HSPBAP1: variants seen among roughly 807,000 people sequenced by gnomAD.
HSPBAP1 encodes the protein HSPB1 associated protein 1, also known as HSPB1-associated protein 1.
In HSPBAP1, 27 loss-of-function variants were observed where a neutral mutation model predicts 45.2. The ratio of observed to expected loss-of-function variants is 0.60; its 90% CI spans 0.44 to 0.82. The LOEUF (loss-of-function observed/expected upper bound fraction) is 0.82. Ranked by LOEUF, HSPBAP1 falls within the 40% of genes least tolerant of loss-of-function variation. The pLI is 0.00. For missense variants in HSPBAP1, 510 were observed against 590.9 expected (o/e 0.86, Z 1.42); for synonymous variants, 204 against 202.7 (o/e 1.01, Z -0.06).
intron 3 of HSPBAP1, among the ~76,000 whole-genome samples, chr3:122,762,645 GTGTAA>G (rs1352889445): frequency 1.3e-5 from 2 of 152,306 alleles, no homozygotes; most frequent in Middle Eastern, 3.4e-3. Flanking sequence ...TTATTTGGAA[GTGTAA>G]TGTTTAATTT....
At chr3:122,747,769 C>T in intron 6 of HSPBAP1, among the ~76,000 whole-genome samples, 1 of 126,546 alleles carries the variant, frequency 7.9e-6, no homozygotes, top group East Asian at 2.6e-4. Context: ...GGGGGGTCAG[C>T]CCCCCGCCCG....
intron 6 of HSPBAP1, among the ~76,000 whole-genome samples, chr3:122,752,210 CT>C (rs947127553): frequency 1.1e-4 from 17 of 152,234 alleles, no homozygotes; most frequent in African/African-American, 4.1e-4. Flanking sequence ...AGTAATGACC[CT>C]GAACCAAGAA....
chr3:122,787,880 A>G (rs6438765), intron 1 of HSPBAP1, among the ~76,000 whole-genome samples: 134,896 of 152,232 alleles, frequency 0.89, 59,784 homozygotes, highest in East Asian at 0.98. Flanking sequence ...TCATTTTGTA[A>G]CCACTATTTT....
intron 2 of HSPBAP1, among the ~76,000 whole-genome samples, chr3:122,775,097 G>A (rs1935144163): frequency 6.6e-6 from 1 of 151,066 alleles, no homozygotes. Context: ...ACAATCTCAA[G>A]AGAAGCTGCT....
intron 3 of HSPBAP1, among the ~76,000 whole-genome samples, chr3:122,760,213 A>C (rs1934521230): frequency 1.3e-5 from 2 of 152,202 alleles, no homozygotes; most frequent in South Asian, 4.1e-4. Context: ...GCACAGAAAA[A>C]TAGGGTCACA....
In HSPBAP1 at chr3:122,740,779, G is replaced by A. The variant is rs201067775; in HGVS notation, c.1033C>T (p.Gln345Ter). 108 of 1,613,874 alleles carry A rather than the reference G, an allele frequency of 6.7e-5. No homozygotes were observed. The highest frequency in any genetic ancestry group is 3.4e-6 in the Non-Finnish European group (4 of 1,180,034). ...TGCTCTCCATCTGTTCTCAGTGCTT[G>A]GATTTCTACTACCTCAGATGTTCTG... is the stretch of plus-strand genomic sequence containing the variant. ...RCRTSEVVEI[Q>*]ALRTDGEHMK... Residue 345 changes from glutamine (Q) to a stop codon, truncating the protein, a stop_gained, in exon 8 of 8, where the codon CAA becomes TAA. Coordinates refer to ENST00000306103, the MANE Select transcript of HSPBAP1 (RefSeq NM_024610.6). LOFTEE classifies it low-confidence loss of function (END_TRUNC).
intron 6 of HSPBAP1, among the ~76,000 whole-genome samples, chr3:122,748,244 C>A (rs75970625): frequency 6.6e-6 from 1 of 152,132 alleles, no homozygotes; most frequent in African/African-American, 2.4e-5. Context: ...ACAAACACTG[C>A]GGAAGGCCGC....
At chr3:122,754,888 T>C in intron 5 of HSPBAP1, 1 of 996,436 alleles carries the variant, frequency 1.0e-6, no homozygotes, top group Non-Finnish European at 1.2e-6. Flanking sequence ...GGTTCAGTGC[T>C]ATCATAATTG....
intron 3 of HSPBAP1, among the ~76,000 whole-genome samples, chr3:122,766,629 A>C (rs894802823): frequency 2.0e-5 from 3 of 152,182 alleles, no homozygotes; most frequent in Non-Finnish European, 4.4e-5. Context: ...GGGTCAGATC[A>C]AACACTCATC....
At chr3:122,740,920 T>A (rs1933646175) in intron 7 of HSPBAP1, 45 bp from the exon 8 acceptor site, 2 of 1,609,456 alleles carry the variant, frequency 1.2e-6, no homozygotes, top group Non-Finnish European at 1.7e-6. Context: ...ATACATTTAG[T>A]TACACTGGAA....
intron 1 of HSPBAP1, among the ~76,000 whole-genome samples, chr3:122,787,701 T>C (rs1028191469): frequency 2.6e-5 from 4 of 152,178 alleles, no homozygotes; most frequent in African/African-American, 9.7e-5. Context: ...CTATTGTATA[T>C]ACATATAAGA....
Position 122,740,378 on chromosome 3 carries a change from C to T in HSPBAP1, c.1434G>A (p.Val478=), listed in dbSNP as rs755084565. ...TTCTTCCTTGTATCAAAAGTTGTGC[C>T]ACTATCCTGGTTACTTGTGGATTCA... ...CLVNPQVTRI[V]AQLLIQGRSL Residue 478 remains valine, a synonymous_variant, in exon 8 of 8, where the codon GTG becomes GTA. Coordinates refer to ENST00000306103, the MANE Select transcript of HSPBAP1 (RefSeq NM_024610.6). The T allele has an allele frequency of 1.2e-6, 2 of 1,610,932 alleles. No individual in the cohort carries two copies. Among genetic ancestry groups the T allele is most frequent in the South Asian group, 1.1e-5 (1 of 90,994 alleles).
chr3:122,785,435 G>A (rs35460182), intron 1 of HSPBAP1, among the ~76,000 whole-genome samples: 103,632 of 152,058 alleles, frequency 0.68, 36,018 homozygotes, highest in Non-Finnish European at 0.77. Flanking sequence ...TTCACCCCCA[G>A]CCAACCTCCA....
Position 122,777,704 on chromosome 3 carries a change from A to G in HSPBAP1, c.250+17T>C. On this transcript the variant is annotated intron_variant, in intron 2 of 7. Coordinates refer to ENST00000306103, the MANE Select transcript of HSPBAP1 (RefSeq NM_024610.6). ...CTCCTGAAGAGACATTATGATGGTG[A>G]TTACCTATAGTCATACCTGTGCTCA... 1 of 1,582,940 alleles carries G rather than the reference A, an allele frequency of 6.3e-7. No homozygotes were observed. Among genetic ancestry groups the G allele is most frequent in the Non-Finnish European group, 8.6e-7 (1 of 1,156,264 alleles).
intron 1 of HSPBAP1, among the ~76,000 whole-genome samples, chr3:122,787,673 T>C (rs769689765): frequency 1.3e-5 from 2 of 152,228 alleles, no homozygotes; most frequent in African/African-American, 4.8e-5. Flanking sequence ...AGTGTATATA[T>C]GGTGTTTCAT....
chr3:122,780,486 G>A (rs1179760030), intron 1 of HSPBAP1, among the ~76,000 whole-genome samples: 3 of 126,646 alleles, frequency 2.4e-5, no homozygotes, highest in Non-Finnish European at 4.9e-5. Context: ...CTCCCGGACG[G>A]GGCAGCTGGC....
intron 3 of HSPBAP1, among the ~76,000 whole-genome samples, chr3:122,763,907 A>G (rs578117800): frequency 2.0e-5 from 3 of 152,346 alleles, no homozygotes; most frequent in South Asian, 2.1e-4. Flanking sequence ...GCCCTGTCCA[A>G]TCTCCCCACT....
chr3:122,759,077 G>T, intron 4 of HSPBAP1, 147 bp downstream of exon 4: 1 of 1,211,720 alleles, frequency 8.3e-7, no homozygotes, highest in South Asian at 1.6e-5. Context: ...GAGGTTAAGA[G>T]GTCTGCCCTA....
chr3:122,779,884 T>A (rs1463183632), intron 1 of HSPBAP1, among the ~76,000 whole-genome samples: 1 of 151,860 alleles, frequency 6.6e-6, no homozygotes, highest in African/African-American at 2.4e-5. Context: ...CAGAACAAAA[T>A]GAAAAGTCTC....
Sources: allele counts gnomAD v4.1 joint callset (sites outside exome capture counted in the v4.1 genomes callset), GRCh38; gene constraint gnomAD v4.1.1; transcripts MANE v1.5; gene names NCBI Gene and HGNC (gene_info 2026-07-23, HGNC 2026-07-21).